The following ARHGAP17 variants were observed in gnomAD, a reference collection of about 807,000 sequenced individuals.
ARHGAP17 encodes rho GTPase-activating protein 17.
Under a neutral mutation model 99.5 loss-of-function variants are expected in ARHGAP17, and 57 were observed. The observed-to-expected ratio is 0.57, with a 90% confidence interval of 0.46 to 0.71. ARHGAP17 has a LOEUF of 0.71. Among genes scored for constraint, ARHGAP17 ranks in the 30% least tolerant of loss-of-function variants. The pLI is 0.00. For synonymous variants in ARHGAP17, 417 were observed against 429.6 expected (o/e 0.97, Z 0.36); for missense variants, 1,000 against 1,122.4 (o/e 0.89, Z 1.56).
chr16:24,942,242 T>G, intron 15 of ARHGAP17, 99 bp from the exon 16 acceptor site: 1 of 1,199,732 alleles, frequency 8.3e-7, no homozygotes, highest in Non-Finnish European at 1.2e-6. Flanking sequence ...CGTTCTTCAG[T>G]CCACAGCCCT....
rs186099069 is a variant in ARHGAP17 at position 25,000,285 on chromosome 16, G to A, written c.53+14924C>T. 4.2e-3 allele frequency among the ~76,000 whole-genome samples: 645 copies of A among 152,252 alleles called. 2 individuals are homozygous for A. The highest frequency in any genetic ancestry group is 0.015 in the South Asian group (70 of 4,816). ...ATGACAGAACACATTTCTGCTTTGT[G>A]GGGGAAAGGCTCCCATCTAGAAAAA... is the stretch of plus-strand genomic sequence containing the variant. On this transcript the variant is annotated intron_variant, in intron 1 of 19. Coordinates refer to ENST00000289968, the MANE Select transcript of ARHGAP17 (RefSeq NM_001006634.3).
intron 1 of ARHGAP17, among the ~76,000 whole-genome samples, chr16:24,999,591 A>T (rs963014911): frequency 2.0e-5 from 3 of 151,914 alleles, no homozygotes; most frequent in African/African-American, 7.3e-5. Context: ...TAATTTTTCC[A>T]AAATTCCTTT....
At position 24,954,688 on chromosome 16, in the gene ARHGAP17, T is replaced by TC. The variant is rs760186022; in HGVS notation, c.766dup (p.Glu256GlyfsTer15). 6.2e-7 allele frequency: 1 copy of TC among 1,614,110 alleles called. No individual in the cohort carries two copies. Among genetic ancestry groups the TC allele is most frequent in the Admixed American group, 1.7e-5 (1 of 60,014 alleles). On this transcript the variant is annotated frameshift_variant, in exon 10 of 20. Transcript: ENST00000289968. LOFTEE classifies it high-confidence loss of function. ...CTCGCGCCCGCTCCTCTTCAGGTGTTCTTCTAGGGGAGTCCCAAAGGCTGG... is the reference window on the plus strand; with the variant it reads ...CTCGCGCCCGCTCCTCTTCAGGTGTTCCTTCTAGGGGAGTCCCAAAGGCTGG...
intron 1 of ARHGAP17, among the ~76,000 whole-genome samples, chr16:24,996,905 G>T (rs1319099409): frequency 7.0e-6 from 1 of 142,244 alleles, no homozygotes; most frequent in Non-Finnish European, 1.6e-5. Context: ...GGGCAACATA[G>T]GGACAACCAA....
At chr16:24,977,361 C>T (rs2052550768) in intron 2 of ARHGAP17, 42 bp from the exon 3 acceptor site, 1 of 1,502,478 alleles carries the variant, frequency 6.7e-7, no homozygotes, top group African/African-American at 1.4e-5. Flanking sequence ...CATCCTCTTT[C>T]TTTTGTGGTG....
intron 7 of ARHGAP17, 39 bp from the exon 8 acceptor site, chr16:24,960,018 G>T: frequency 1.0e-5 from 16 of 1,597,850 alleles, no homozygotes; most frequent in Non-Finnish European, 1.4e-5. Flanking sequence ...GAAGAAAAAA[G>T]AAGTGAAACA....
In ARHGAP17 at chr16:24,954,654, C is replaced by G. The variant is rs111986765; in HGVS notation, c.801G>C (p.Leu267=). Residue 267 remains leucine, a synonymous_variant, in exon 10 of 20, where the codon CTG becomes CTC. Coordinates refer to ENST00000289968, the MANE Select transcript of ARHGAP17 (RefSeq NM_001006634.3). The stretch of plus-strand genomic sequence containing the variant: ...GCAGCATGACACAGGCTTCAATGGG[C>G]AGCGCAATCTCGCGCCCGCTCCTCT... The part of the protein sequence containing the change: ...HLKRSGREIA[L]PIEACVMLLL... 4.6e-5 allele frequency: 75 copies of G among 1,614,088 alleles called. No individual in the cohort carries two copies. In the African/African-American group the frequency reaches 8.3e-4, roughly 18 times the overall value.
intron 6 of ARHGAP17, among the ~76,000 whole-genome samples, chr16:24,965,433 A>C (rs1466228795): frequency 6.6e-6 from 1 of 152,190 alleles, no homozygotes; most frequent in Non-Finnish European, 1.5e-5. Flanking sequence ...CCAAGATCGC[A>C]ACGCCGCACT....
At chr16:24,990,614 A>G (rs974302585) in intron 1 of ARHGAP17, among the ~76,000 whole-genome samples, 1 of 151,768 alleles carries the variant, frequency 6.6e-6, no homozygotes, top group African/African-American at 2.4e-5. Context: ...CCAAGATCAC[A>G]CCACTGCACT....
chr16:24,970,101 A>T (rs541665454), intron 4 of ARHGAP17, among the ~76,000 whole-genome samples: 1 of 152,168 alleles, frequency 6.6e-6, no homozygotes, highest in Non-Finnish European at 1.5e-5. Flanking sequence ...CACTCTTTTT[A>T]GATAACTACC....
At chr16:25,010,502 C>A (rs758088024) in intron 1 of ARHGAP17, among the ~76,000 whole-genome samples, 5 of 152,156 alleles carry the variant, frequency 3.3e-5, no homozygotes, top group Non-Finnish European at 5.9e-5. Context: ...TACTATCAGA[C>A]CTTTTCAAGA....
At chr16:24,929,957 G>A (rs1352534534) in intron 19 of ARHGAP17, among the ~76,000 whole-genome samples, 1 of 152,136 alleles carries the variant, frequency 6.6e-6, no homozygotes, top group Non-Finnish European at 1.5e-5. Flanking sequence ...CTAGGCTGCT[G>A]TAAGAAATTA....
chr16:24,967,830 A>C (rs1045941146), intron 6 of ARHGAP17, among the ~76,000 whole-genome samples: 1 of 151,838 alleles, frequency 6.6e-6, no homozygotes, highest in African/African-American at 2.4e-5. Context: ...AAAAAACTCC[A>C]TCAAGGACAA....
At position 24,930,895 on chromosome 16, in the gene ARHGAP17, T is replaced by A; in HGVS notation, c.2404A>T (p.Lys802Ter). Residue 802 changes from lysine to a stop codon, truncating the protein, a stop_gained, in exon 19 of 20, where the codon AAG becomes TAG. Transcript: ENST00000289968. LOFTEE classifies it high-confidence loss of function. ...GTLPRPRPVPKPRNRPSVPPP... is the reference protein window; with the variant it reads ...GTLPRPRPVP The stretch of plus-strand genomic sequence containing the variant: ...GGCACGCTGGGCCGGTTCCTTGGCT[T>A]TGGTACTGGTCTCGGTCTCGGTAAG... The A allele has an allele frequency of 6.2e-7, 1 of 1,613,836 alleles. No homozygotes were observed. Among genetic ancestry groups the A allele is most frequent in the Non-Finnish European group, 8.5e-7 (1 of 1,179,924 alleles).
rs762087292 is a variant in ARHGAP17, at chr16:24,926,323, C to T, written c.2515+4461G>A. ...TCACCCAGGCTGGAGTGTAGTGGCA[C>T]GATCTCAGCTCACTGCGACCTCCAC... On this transcript the variant is annotated intron_variant, in intron 19 of 19. Coordinates refer to ENST00000289968, the MANE Select transcript of ARHGAP17 (RefSeq NM_001006634.3). 2.7e-4 allele frequency among the ~76,000 whole-genome samples: 41 copies of T among 152,096 alleles called. 1 individual carries two copies. The highest frequency in any genetic ancestry group is 6.8e-3 in the Middle Eastern group (2 of 292).
At chr16:25,010,063 G>A (rs2053603652) in intron 1 of ARHGAP17, among the ~76,000 whole-genome samples, 1 of 151,402 alleles carries the variant, frequency 6.6e-6, no homozygotes, top group Non-Finnish European at 1.5e-5. Context: ...AGAAAGTCAG[G>A]TTTCTTCCTC....
At chr16:24,950,836 C>CAAAAAGAAAAAAAAA (rs2051614238) in intron 12 of ARHGAP17, among the ~76,000 whole-genome samples, 1 of 39,444 alleles carries the variant, frequency 2.5e-5, no homozygotes, top group African/African-American at 1.0e-4. Context: ...GACTCCAACT[C>CAAAAAGAAAAAAAAA]AAAAAAAAAA....
intron 1 of ARHGAP17, among the ~76,000 whole-genome samples, chr16:25,008,857 A>C (rs1377176980): frequency 6.6e-6 from 1 of 152,196 alleles, no homozygotes; most frequent in Non-Finnish European, 1.5e-5. Flanking sequence ...CCCCCCAGTA[A>C]AGAATGGATT....
chr16:24,982,986 ATATATATATATTT>A, intron 1 of ARHGAP17, among the ~76,000 whole-genome samples: 1 of 28,948 alleles, frequency 3.5e-5, no homozygotes, highest in South Asian at 9.9e-4. Flanking sequence ...ATATATATAT[ATATATATATATTT>A]TTTTTTTTTT....
Sources: allele counts gnomAD v4.1 joint callset (sites outside exome capture counted in the v4.1 genomes callset), GRCh38; gene constraint gnomAD v4.1.1; transcripts MANE v1.5; gene names NCBI Gene and HGNC (gene_info 2026-07-23, HGNC 2026-07-21).